Variants in PARD3 observed in about 807,000 individuals in gnomAD.
The protein encoded by PARD3 is par-3 family cell polarity regulator.
A neutral mutation model predicts 155.4 loss-of-function variants in PARD3; 75 were observed. The observed-to-expected ratio is 0.48, with a 90% confidence interval of 0.40 to 0.58. The LOEUF is 0.58. Among genes scored for constraint, PARD3 ranks in the 20% least tolerant of loss-of-function variants. The pLI, the probability that PARD3 is intolerant of heterozygous loss-of-function variation, is 0.00. For missense variants in PARD3, 1,642 were observed against 1,721.7 expected (o/e 0.95, Z 0.82); for synonymous variants, 576 against 610.5 (o/e 0.94, Z 0.83).
intron 1 of PARD3, among the ~76,000 whole-genome samples, chr10:34,767,748 G>A (rs549197054): frequency 3.3e-5 from 5 of 151,752 alleles, no homozygotes; most frequent in East Asian, 2.0e-4. Context: ...ACAGGCACGC[G>A]CCACCACCCT....
intron 22 of PARD3, among the ~76,000 whole-genome samples, chr10:34,214,980 G>C (rs1285495012): frequency 6.6e-6 from 1 of 152,186 alleles, no homozygotes; most frequent in Non-Finnish European, 1.5e-5. Context: ...CAGATCAACA[G>C]TAATTGCAGT....
intron 20 of PARD3, among the ~76,000 whole-genome samples, chr10:34,288,526 A>G (rs1956513805): frequency 6.6e-6 from 1 of 152,208 alleles, no homozygotes; most frequent in East Asian, 1.9e-4. Context: ...TGTACTTCCT[A>G]ATTTATAGTT....
At chr10:34,321,293 T>A (rs927163664) in intron 19 of PARD3, among the ~76,000 whole-genome samples, 8 of 152,228 alleles carry the variant, frequency 5.3e-5, no homozygotes, top group Non-Finnish European at 1.2e-4. Flanking sequence ...TGGCTTGATC[T>A]ATTGTGTTCA....
chr10:34,164,039 GTTAA>G (rs1324848759), intron 22 of PARD3, among the ~76,000 whole-genome samples: 1 of 152,080 alleles, frequency 6.6e-6, no homozygotes, highest in Non-Finnish European at 1.5e-5. Context: ...ACAAAATATG[GTTAA>G]TTAAACCACC....
At chr10:34,706,928 T>A (rs1472951159) in intron 1 of PARD3, among the ~76,000 whole-genome samples, 1 of 151,924 alleles carries the variant, frequency 6.6e-6, no homozygotes, top group African/African-American at 2.4e-5. Flanking sequence ...GACAACACAG[T>A]GAGATCCTGT....
chr10:34,182,887 A>C (rs575642356), intron 22 of PARD3, among the ~76,000 whole-genome samples: 1 of 152,348 alleles, frequency 6.6e-6, no homozygotes, highest in South Asian at 2.1e-4. Flanking sequence ...TCTCATCAGA[A>C]ATTCAAATAT....
At chr10:34,417,517 G>C (rs1004622788) in intron 5 of PARD3, among the ~76,000 whole-genome samples, 1 of 152,024 alleles carries the variant, frequency 6.6e-6, no homozygotes, top group African/African-American at 2.4e-5. Flanking sequence ...GAATCATTAT[G>C]ATTAAGTTGC....
At chr10:34,658,873 CAA>C (rs780471958) in intron 2 of PARD3, among the ~76,000 whole-genome samples, 36 of 152,128 alleles carry the variant, frequency 2.4e-4, no homozygotes, top group Non-Finnish European at 4.6e-4. Flanking sequence ...ATAAAATGGA[CAA>C]AACACCAGAG....
At chr10:34,742,176 A>G (rs1253698176) in intron 1 of PARD3, among the ~76,000 whole-genome samples, 3 of 152,172 alleles carry the variant, frequency 2.0e-5, no homozygotes, top group African/African-American at 7.2e-5. Context: ...TAAACCTCCA[A>G]ATTACTTGCC....
At chr10:34,739,729 C>G (rs895825708) in intron 1 of PARD3, among the ~76,000 whole-genome samples, 2 of 152,148 alleles carry the variant, frequency 1.3e-5, no homozygotes, top group African/African-American at 2.4e-5. Context: ...AGGAATGCAT[C>G]CTAAACTACT....
At chr10:34,447,089 A>G (rs182703885) in intron 5 of PARD3, among the ~76,000 whole-genome samples, 18 of 152,352 alleles carry the variant, frequency 1.2e-4, no homozygotes, top group African/African-American at 3.8e-4. Context: ...TTTTTATTAA[A>G]AGCACTGAAA....
intron 22 of PARD3, among the ~76,000 whole-genome samples, chr10:34,237,414 T>C (rs1314677244): frequency 2.0e-5 from 3 of 152,274 alleles, no homozygotes; most frequent in Middle Eastern, 3.4e-3. Context: ...ACTATTCTTA[T>C]TTATTTAGTT....
intron 22 of PARD3, among the ~76,000 whole-genome samples, chr10:34,254,628 C>A (rs1188893523): frequency 5.3e-5 from 8 of 151,808 alleles, no homozygotes; most frequent in Admixed American, 3.9e-4. Context: ...GCAGCTCAAG[C>A]ACATCACCCC....
chr10:34,350,926 T>C (rs898295851), intron 14 of PARD3, among the ~76,000 whole-genome samples: 3 of 152,130 alleles, frequency 2.0e-5, no homozygotes, highest in African/African-American at 7.2e-5. Context: ...TGGAAATATA[T>C]TACCACAGGG....
intron 22 of PARD3, among the ~76,000 whole-genome samples, chr10:34,225,896 C>T (rs1364152395): frequency 6.6e-6 from 1 of 151,862 alleles, no homozygotes; most frequent in Middle Eastern, 3.4e-3. Context: ...TTGGATTCAT[C>T]GAAATTAAAA....
chr10:34,138,923 T>C (rs897578499), intron 22 of PARD3, among the ~76,000 whole-genome samples: 2 of 151,514 alleles, frequency 1.3e-5, no homozygotes, highest in Non-Finnish European at 2.9e-5. Context: ...AATTTCCAAA[T>C]TGTATCAACA....
At chr10:34,489,593 G>C (rs1349508264) in intron 3 of PARD3, among the ~76,000 whole-genome samples, 1 of 152,180 alleles carries the variant, frequency 6.6e-6, no homozygotes, top group Non-Finnish European at 1.5e-5. Context: ...GCAGCAATAA[G>C]ACTTCATGGC....
intron 1 of PARD3, among the ~76,000 whole-genome samples, chr10:34,704,187 G>T (rs561225520): frequency 2.8e-4 from 42 of 152,086 alleles, no homozygotes; most frequent in Non-Finnish European, 5.6e-4. Context: ...AACACAGCAA[G>T]ACACAATTTT....
chr10:34,518,534 G>A (rs988635438), intron 2 of PARD3, among the ~76,000 whole-genome samples: 1 of 152,208 alleles, frequency 6.6e-6, no homozygotes, highest in African/African-American at 2.4e-5. Flanking sequence ...GGCTCCCAAT[G>A]GACAAAGCGG....
Sources: gnomAD v4.1 joint callset for allele counts (sites outside exome capture counted in the v4.1 genomes callset) on GRCh38, gnomAD v4.1.1 for gene constraint, MANE v1.5 for transcripts, NCBI Gene and HGNC (gene_info 2026-07-23, HGNC 2026-07-21) for gene names.